Variants in MAP3K1 observed in about 807,000 individuals in gnomAD.
MAP3K1 encodes the protein MAP/ERK kinase kinase 1.
Under a neutral mutation model 144.2 loss-of-function variants are expected in MAP3K1, and 36 were observed. The observed-to-expected ratio is 0.25, with a 90% confidence interval of 0.19 to 0.33. MAP3K1 has a LOEUF of 0.33. Ranked by LOEUF, MAP3K1 falls within the 10% of genes least tolerant of loss-of-function variation. MAP3K1 has a pLI of 1.00. For synonymous variants in MAP3K1, 718 were observed against 688.7 expected (o/e 1.04, Z -0.67); for missense variants, 1,650 against 1,881.9 (o/e 0.88, Z 2.28).
chr5:56,840,996 C>A (rs1173147580), intron 1 of MAP3K1, among the ~76,000 whole-genome samples: 1 of 151,976 alleles, frequency 6.6e-6, no homozygotes, highest in East Asian at 1.9e-4. Flanking sequence ...CTGCCTCAGC[C>A]TCCTGAGTAG....
At chr5:56,825,979 T>C (rs1014543908) in intron 1 of MAP3K1, among the ~76,000 whole-genome samples, 16 of 150,672 alleles carry the variant, frequency 1.1e-4, no homozygotes, top group Non-Finnish European at 1.5e-4. Flanking sequence ...TTTTTTTTTT[T>C]AAAGAAAACA....
intron 6 of MAP3K1, among the ~76,000 whole-genome samples, chr5:56,868,984 C>A (rs569249453): frequency 6.6e-6 from 1 of 151,754 alleles, no homozygotes; most frequent in South Asian, 2.1e-4. Flanking sequence ...ATTGCACTTA[C>A]ATGAGATACT....
chr5:56,880,861 T>G, intron 12 of MAP3K1, 59 bp downstream of exon 12: 1 of 1,379,304 alleles, frequency 7.3e-7, no homozygotes, highest in Non-Finnish European at 1.0e-6. Flanking sequence ...TGAGCAGCCT[T>G]GTCTAATCTC....
At chr5:56,883,422 A>G in intron 14 of MAP3K1, 105 bp from the exon 15 acceptor site, 3 of 1,031,054 alleles carry the variant, frequency 2.9e-6, no homozygotes, top group Non-Finnish European at 4.5e-6. Flanking sequence ...TCACATTTAT[A>G]GGTGGTTTGG....
chr5:56,882,228 A>T lies in MAP3K1; in HGVS notation c.3028A>T (p.Ile1010Phe), dbSNP rs1748242230. 1 of 1,614,130 alleles carries T rather than the reference A, an allele frequency of 6.2e-7. No individual in the cohort carries two copies. The highest frequency in any genetic ancestry group is 8.5e-7 in the Non-Finnish European group (1 of 1,180,022). ...DVSKHRLQGF[I>F]PCRIPSASPQ... ...CTCTAAGCATAGACTTCAGGGATTC[A>T]TTCCCTGCAGAATACCTTCTGCATC... is the stretch of plus-strand genomic sequence containing the variant. Residue 1010 changes from isoleucine (I) to phenylalanine (F), a missense_variant, in exon 14 of 20, where the codon ATT becomes TTT. Ile to Phe is a conservative substitution (Grantham distance 21). Coordinates refer to ENST00000399503, the MANE Select transcript of MAP3K1 (RefSeq NM_005921.2).
At chr5:56,854,432 C>CAAAAAAAAA (rs10647091) in intron 1 of MAP3K1, among the ~76,000 whole-genome samples, 16 of 85,286 alleles carry the variant, frequency 1.9e-4, no homozygotes, top group East Asian at 3.2e-4. Context: ...AACTCCATCT[C>CAAAAAAAAA]AAAAAAAAAA....
At chr5:56,836,998 T>G (rs890640792) in intron 1 of MAP3K1, among the ~76,000 whole-genome samples, 1 of 152,172 alleles carries the variant, frequency 6.6e-6, no homozygotes, top group Admixed American at 6.5e-5. Context: ...GATGCTCCAT[T>G]TTTTATGCTT....
At chr5:56,887,292 C>A in intron 17 of MAP3K1, 86 bp from the exon 18 acceptor site, 1 of 1,251,156 alleles carries the variant, frequency 8.0e-7, no homozygotes, top group Non-Finnish European at 1.2e-6. Flanking sequence ...TTGTCATTGT[C>A]CTAGTTCATT....
Position 56,819,407 on chromosome 5 carries a change from G to A in MAP3K1, c.482+3352G>A, listed in dbSNP as rs1409990147. Among the ~76,000 whole-genome samples the A allele has an allele frequency of 3.4e-5, 5 of 147,014 alleles. No homozygotes were observed. In the Admixed American group the frequency reaches 3.4e-4, roughly 10 times the overall value. On this transcript the variant is annotated intron_variant, in intron 1 of 19. Transcript: ENST00000399503. ...ACTTGCAGATTTCAAAATGTGGGAA[G>A]AAAGGAGTGTTTTTTTGCTTTCAAC... is the stretch of plus-strand genomic sequence containing the variant.
chr5:56,882,914 C>A, intron 14 of MAP3K1, 48 bp downstream of exon 14: 1 of 1,409,370 alleles, frequency 7.1e-7, no homozygotes, highest in Non-Finnish European at 9.9e-7. Flanking sequence ...TGGGGCTGGG[C>A]ACAGTGACTC....
chr5:56,849,497 C>T (rs1448146534), intron 1 of MAP3K1, among the ~76,000 whole-genome samples: 2 of 152,116 alleles, frequency 1.3e-5, no homozygotes, highest in Admixed American at 1.3e-4. Flanking sequence ...TCAAACTTTA[C>T]TGAATAAAAT....
At chr5:56,860,668 C>T (rs1747479538) in intron 3 of MAP3K1, among the ~76,000 whole-genome samples, 1 of 152,062 alleles carries the variant, frequency 6.6e-6, no homozygotes, top group South Asian at 2.1e-4. Context: ...GCTTGGCCAA[C>T]ATGGTGAAAC....
chr5:56,841,544 T>C (rs1746815973), intron 1 of MAP3K1, among the ~76,000 whole-genome samples: 1 of 152,120 alleles, frequency 6.6e-6, no homozygotes, highest in Non-Finnish European at 1.5e-5. Context: ...AGCCACTGGA[T>C]TATAGAATGA....
chr5:56,858,587 G>GTCAAA (rs1337275914), intron 2 of MAP3K1, among the ~76,000 whole-genome samples: 1 of 152,144 alleles, frequency 6.6e-6, no homozygotes, highest in East Asian at 1.9e-4. Flanking sequence ...AGTAAGTTGT[G>GTCAAA]TCAAATCATT....
Position 56,882,763 on chromosome 5 carries a change from CTTTAGCAAT to C in MAP3K1, c.3565_3573del (p.Leu1189_Ile1191del). The C allele has an allele frequency of 6.2e-7, 1 of 1,611,854 alleles. No individual in the cohort carries two copies. The highest frequency in any genetic ancestry group is 8.5e-7 in the Non-Finnish European group (1 of 1,178,986). Reference sequence around the variant, plus strand: ...AAGATGGAAGCTGAAGAAGAAGAAGCTTTAGCAATTGCCATGGCAATGTCAGCGTCTCAG... The same window carrying C: ...AAGATGGAAGCTGAAGAAGAAGAAGCTGCCATGGCAATGTCAGCGTCTCAG... On this transcript the variant is annotated inframe_deletion, in exon 14 of 20. Coordinates refer to ENST00000399503, the MANE Select transcript of MAP3K1 (RefSeq NM_005921.2).
chr5:56,826,377 A>G (rs1746314963), intron 1 of MAP3K1, among the ~76,000 whole-genome samples: 1 of 152,190 alleles, frequency 6.6e-6, no homozygotes, highest in African/African-American at 2.4e-5. Context: ...TTGTACATGT[A>G]GTCAGGTCTT....
chr5:56,816,759 T>A (rs915432568), intron 1 of MAP3K1, among the ~76,000 whole-genome samples: 13 of 152,208 alleles, frequency 8.5e-5, no homozygotes, highest in African/African-American at 2.7e-4. Flanking sequence ...TGCAGTCTTT[T>A]AGGAAGTGCG....
In MAP3K1 at chr5:56,815,934, G is replaced by T; in HGVS notation, c.361G>T (p.Gly121Cys). ...PPPHGAASRG[G>C]AHLTESVAAP... ...GCCCCACGGAGCCGCGAGCCGCGGC[G>T]GCGCCCACCTTACCGAGTCGGTGGC... is the stretch of plus-strand genomic sequence containing the variant. The change falls in exon 1 of 20, where the codon GGC (glycine) becomes TGC (cysteine). Residue 121 changes from glycine (G) to cysteine (C), a missense_variant. Transcript: ENST00000399503. The T allele has an allele frequency of 7.9e-7, 1 of 1,258,588 alleles. No homozygotes were observed. Among genetic ancestry groups the T allele is most frequent in the South Asian group, 2.9e-5 (1 of 34,798 alleles). The allele number at this position is 1,258,588 out of a possible 1,614,324, so 78.0% of individuals were successfully genotyped here.
At position 56,815,603 on chromosome 5, in the gene MAP3K1, G is replaced by A; in HGVS notation, c.30G>A (p.Ser10=). Residue 10 remains serine (S), a synonymous_variant, in exon 1 of 20, where the codon TCG becomes TCA. Coordinates refer to ENST00000399503, the MANE Select transcript of MAP3K1 (RefSeq NM_005921.2). Reference sequence around the variant, plus strand: ...CGGCGGCGGCGGGGAATCGCGCCTCGTCGTCGGGATTCCCGGGCGCCAGGG... The same window carrying A: ...CGGCGGCGGCGGGGAATCGCGCCTCATCGTCGGGATTCCCGGGCGCCAGGG... MAAAAGNRA[S]SSGFPGARAT... is the part of the protein sequence containing the mutation. 7 of 1,309,614 alleles carry A rather than the reference G, an allele frequency of 5.3e-6. No individual in the cohort carries two copies. The highest frequency in any genetic ancestry group is 6.8e-6 in the Non-Finnish European group (7 of 1,030,062). 81.1% of individuals were successfully genotyped at this position (1,309,614 alleles called of 1,614,324 possible).
Sources: gnomAD v4.1 joint callset for allele counts (sites outside exome capture counted in the v4.1 genomes callset) on GRCh38, gnomAD v4.1.1 for gene constraint, MANE v1.5 for transcripts, NCBI Gene and HGNC (gene_info 2026-07-23, HGNC 2026-07-21) for gene names.